Variants in INTS8 observed in about 807,000 individuals in gnomAD.
The protein encoded by INTS8 is protein kaonashi-1.
A neutral mutation model predicts 138.9 loss-of-function variants in INTS8; 47 were observed. That is an observed-to-expected ratio of 0.34 (90% CI 0.27 to 0.43). The LOEUF (loss-of-function observed/expected upper bound fraction) is 0.43, where lower values mean the gene tolerates loss of function less well. Among genes scored for constraint, INTS8 ranks in the 20% least tolerant of loss-of-function variants. INTS8 has a pLI of 1.00. For synonymous variants in INTS8, 392 were observed against 400.9 expected (o/e 0.98, Z 0.27); for missense variants, 996 against 1,173.0 (o/e 0.85, Z 2.20).
In INTS8 at chr8:94,824,994, A is replaced by G; in HGVS notation, c.232A>G (p.Asn78Asp). The G allele has an allele frequency of 6.2e-7, 1 of 1,612,840 alleles. No homozygotes were observed. The change falls in exon 2 of 27, where the codon AAT (asparagine) becomes GAT (aspartate). Residue 78 changes from asparagine to aspartate, a missense_variant. Physicochemically the swap from Asn to Asp is conservative, Grantham distance 23. Coordinates refer to ENST00000523731, the MANE Select transcript of INTS8 (RefSeq NM_017864.4). ...TCAACCTCCGCCTGATAACAAGAGA[A>G]ATCGTATTTTAAAACTACTTGCTCT... is the stretch of plus-strand genomic sequence containing the variant. ...QVQPPPDNKR[N>D]RILKLLALKV...
intron 12 of INTS8, among the ~76,000 whole-genome samples, chr8:94,851,008 A>G (rs1274447987): frequency 6.6e-6 from 1 of 152,196 alleles, no homozygotes; most frequent in Admixed American, 6.5e-5. Flanking sequence ...GTCCAGTTGT[A>G]AAGGAAAAGG....
At chr8:94,874,685 A>C in intron 23 of INTS8, 83 bp downstream of exon 23, 1 of 786,202 alleles carries the variant, frequency 1.3e-6, no homozygotes, top group East Asian at 2.8e-5. Context: ...ACTGGAAATT[A>C]GCTTTTATTT....
In INTS8 at chr8:94,838,702, T is replaced by TA. The variant is rs533057534; in HGVS notation, c.1017+85dup. ...ATCCTCGCACCATCCATTTACCAGT[T>TA]ACGCGTTTTGGGGCAAGTCATTTAC... On this transcript the variant is annotated intron_variant, in intron 8 of 26. Transcript: ENST00000523731. 35 of 1,161,538 alleles carry TA rather than the reference T, an allele frequency of 3.0e-5. No homozygotes were observed. In the South Asian group the frequency reaches 3.5e-4, roughly 12 times the overall value. 72.0% of individuals were successfully genotyped at this position (1,161,538 alleles called of 1,614,324 possible).
rs1814736745 is a variant in INTS8 at position 94,832,018 on chromosome 8, T to G, written c.597T>G (p.Ile199Met). The G allele has an allele frequency of 5.0e-6, 8 of 1,604,548 alleles. No individual in the cohort carries two copies. Among genetic ancestry groups the G allele is most frequent in the Middle Eastern group, 1.7e-4 (1 of 6,058 alleles). Residue 199 changes from isoleucine to methionine, a missense_variant, in exon 6 of 27, where the codon ATT becomes ATG. Ile to Met is a conservative substitution (Grantham distance 10). Coordinates refer to ENST00000523731, the MANE Select transcript of INTS8 (RefSeq NM_017864.4). ...TCAAAGAACAAGCTGCTGATTCTAT[T>G]TTGGTACTAGAAGCAGCCCTAAAAT... ...KVLKEQAADS[I>M]LVLEAALKLN... is the part of the protein sequence containing the mutation.
At chr8:94,827,595 T>TA (rs1372252341) in intron 3 of INTS8, 127 bp from the exon 4 acceptor site, 4 of 1,027,198 alleles carry the variant, frequency 3.9e-6, no homozygotes, top group Non-Finnish European at 5.9e-6. Context: ...GTGGATGACT[T>TA]ATGCAGGATT....
intron 16 of INTS8, among the ~76,000 whole-genome samples, chr8:94,861,279 T>TTTTTTTTTTTGTGG (rs1815966061): frequency 7.9e-6 from 1 of 126,740 alleles, no homozygotes; most frequent in Non-Finnish European, 1.7e-5. Flanking sequence ...TTTTTTTTTT[T>TTTTTTTTTTTGTGG]GAGACGGAGT....
At chr8:94,867,469 C>A in intron 20 of INTS8, 132 bp downstream of exon 20, 1 of 576,480 alleles carries the variant, frequency 1.7e-6, no homozygotes, top group Non-Finnish European at 3.0e-6. Context: ...TTGTGTTTCT[C>A]TATTATGATA....
chr8:94,824,091 C>T (rs1179562561), intron 1 of INTS8, among the ~76,000 whole-genome samples: 2 of 152,226 alleles, frequency 1.3e-5, no homozygotes, highest in African/African-American at 4.8e-5. Context: ...GGAACTGCTG[C>T]ACATTTGCAA....
rs961796394 is a variant in INTS8 at position 94,865,639 on chromosome 8, G to A, written c.2210G>A (p.Gly737Asp). 1.9e-6 allele frequency: 3 copies of A among 1,614,002 alleles called. No homozygotes were observed. Among genetic ancestry groups the A allele is most frequent in the Admixed American group, 3.3e-5 (2 of 60,000 alleles). The change falls in exon 17 of 27, where the codon GGC becomes GAC. Residue 737 changes from glycine to aspartate, a missense_variant. Physicochemically the swap from Gly to Asp is moderately conservative, Grantham distance 94. Transcript: ENST00000523731. ...VSSQHKRGND[G>D]RVSLIKQRES... ...AGTCAGCACAAACGAGGAAATGATG[G>A]CAGAGTTAGTTTAATAAAACAGAGG...
chr8:94,823,614 G>T, intron 1 of INTS8, 53 bp downstream of exon 1: 1 of 1,401,578 alleles, frequency 7.1e-7, no homozygotes, highest in Non-Finnish European at 9.7e-7. Context: ...GGCGCTGTCC[G>T]CCCAGCTTCC....
At chr8:94,832,855 C>T (rs12155666) in intron 6 of INTS8, among the ~76,000 whole-genome samples, 71,210 of 151,778 alleles carry the variant, frequency 0.47, 16,935 homozygotes, top group East Asian at 0.65. Flanking sequence ...GGGGTTTCAC[C>T]GTGTTGGCCA....
rs368485207 is a variant in INTS8 at position 94,881,097 on chromosome 8, T to A, written c.*863T>A. The A allele has an allele frequency of 1.3e-5, 5 of 397,260 alleles. No homozygotes were observed. The highest frequency in any genetic ancestry group is 1.4e-4 in the South Asian group (1 of 7,186). 24.6% of individuals were successfully genotyped at this position (397,260 alleles called of 1,614,324 possible). A position where few individuals can be genotyped will look rare whatever the true frequency, so the allele number is the denominator to read the frequency against. On this transcript the variant is annotated 3_prime_UTR_variant, in exon 27 of 27. Coordinates refer to ENST00000523731, the MANE Select transcript of INTS8 (RefSeq NM_017864.4). ...GTAGAAATTCAAGTTTTATAATAGC[T>A]TGCTATAGCAGCTATAGATAAATTA...
chr8:94,877,339 C>T (rs772415596), intron 26 of INTS8, among the ~76,000 whole-genome samples: 4 of 152,088 alleles, frequency 2.6e-5, no homozygotes, highest in African/African-American at 7.2e-5. Flanking sequence ...AAACTTTGTA[C>T]TCGGACTAAA....
intron 15 of INTS8, among the ~76,000 whole-genome samples, chr8:94,857,563 A>C (rs1815798307): frequency 6.6e-6 from 1 of 152,164 alleles, no homozygotes; most frequent in Admixed American, 6.6e-5. Flanking sequence ...CGGATGTCTG[A>C]AGTCAGGATG....
At chr8:94,876,666 ATATT>A (rs1456279322) in intron 26 of INTS8, 177 bp downstream of exon 26, 3 of 498,240 alleles carry the variant, frequency 6.0e-6, no homozygotes, top group African/African-American at 6.0e-5. Flanking sequence ...ATGTCATTAT[ATATT>A]ATTTTAAAAT....
Position 94,824,903 on chromosome 8 carries a change from A to G in INTS8, c.141A>G (p.Pro47=). 2 of 1,607,970 alleles carry G rather than the reference A, an allele frequency of 1.2e-6. No homozygotes were observed. Among genetic ancestry groups the G allele is most frequent in the Non-Finnish European group, 1.7e-6 (2 of 1,176,170 alleles). The stretch of plus-strand genomic sequence containing the variant: ...TCTTTTAAACCCTAGATCCTGCACC[A>G]GTTCAACTTATAGTTCAGTTTTTGG... ...HLRKPCPDPA[P]VQLIVQFLEQ... Residue 47 remains proline (P), a synonymous_variant, in exon 2 of 27, where the codon CCA becomes CCG. Coordinates refer to ENST00000523731, the MANE Select transcript of INTS8 (RefSeq NM_017864.4).
intron 12 of INTS8, among the ~76,000 whole-genome samples, chr8:94,850,753 G>A (rs1032607556): frequency 7.2e-5 from 11 of 152,152 alleles, no homozygotes; most frequent in African/African-American, 2.4e-4. Flanking sequence ...AGATTTTCGT[G>A]CATGTCAGTC....
chr8:94,836,480 A>G lies in INTS8; in HGVS notation c.754-44A>G, dbSNP rs753250205. The G allele has an allele frequency of 3.4e-6, 5 of 1,460,044 alleles. No individual in the cohort carries two copies. The East Asian group carries it at 1.1e-4, about 33-fold the overall frequency. 90.4% of individuals were successfully genotyped at this position (1,460,044 alleles called of 1,614,324 possible). A position where few individuals can be genotyped will look rare whatever the true frequency, so the allele number is the denominator to read the frequency against. The stretch of plus-strand genomic sequence containing the variant: ...GTTTTGGTTCTGTCACCTCTTAAGT[A>G]CCTGAGAAATTGTTAAGCAAATTGG... On this transcript the variant is annotated intron_variant, in intron 6 of 26. Coordinates refer to ENST00000523731, the MANE Select transcript of INTS8 (RefSeq NM_017864.4).
intron 7 of INTS8, among the ~76,000 whole-genome samples, chr8:94,837,350 T>G (rs1191563124): frequency 6.6e-6 from 1 of 152,156 alleles, no homozygotes; most frequent in Non-Finnish European, 1.5e-5. Flanking sequence ...ATAACTAGGT[T>G]TTTATATGGC....
Sources: gnomAD v4.1 joint callset for allele counts (sites outside exome capture counted in the v4.1 genomes callset) on GRCh38, gnomAD v4.1.1 for gene constraint, MANE v1.5 for transcripts, NCBI Gene and HGNC (gene_info 2026-07-23, HGNC 2026-07-21) for gene names.